The following NLRP8 variants were observed in gnomAD, a reference collection of about 807,000 sequenced individuals.
The protein encoded by NLRP8 is NLR family pyrin domain containing 8.
A neutral mutation model predicts 88.7 loss-of-function variants in NLRP8; 86 were observed. That is an observed-to-expected ratio of 0.97 (90% confidence interval 0.81 to 1.16). The LOEUF is 1.16. NLRP8 is among the 50% of genes most tolerant of loss of function. The pLI is 0.00. For synonymous variants in NLRP8, 504 were observed against 494.6 expected, an observed-to-expected ratio of 1.02 and a Z score of -0.25; for missense variants, 1,342 against 1,286.5, an observed-to-expected ratio of 1.04 and a Z score of -0.66.
chr19:55,982,889 T>G (rs1431121527), intron 9 of NLRP8, among the ~76,000 whole-genome samples: 1 of 152,128 alleles, frequency 6.6e-6, no homozygotes, highest in African/African-American at 2.4e-5. Context: ...AAGGCTGCAG[T>G]GAGCCATGAT....
chr19:55,976,332 G>C (rs1397518564), intron 8 of NLRP8, 29 bp downstream of exon 8: 1 of 1,549,592 alleles, frequency 6.5e-7, no homozygotes, highest in Admixed American at 2.1e-5. Flanking sequence ...CCTCCTGTGA[G>C]ACCAGGAGAA....
chr19:55,958,923 A>G (rs544016133), intron 3 of NLRP8, among the ~76,000 whole-genome samples: 81 of 151,802 alleles, frequency 5.3e-4, no homozygotes, highest in African/African-American at 1.9e-3. Flanking sequence ...CTGTCGCCCA[A>G]GCTGGAGTGC....
In NLRP8 at chr19:55,955,336, G is replaced by C; in HGVS notation, c.1278G>C (p.Val426=). ...AGTCATGTCCAAATGCCACCTCTGT[G>C]TTCGTCCGGTATATTTCTAGCTTGT... is the stretch of plus-strand genomic sequence containing the variant. Residue 426 remains valine (V), a synonymous_variant, in exon 3 of 10, where the codon GTG becomes GTC. Transcript: ENST00000291971. 1 of 1,614,170 alleles carries C rather than the reference G, an allele frequency of 6.2e-7. No homozygotes were observed.
At chr19:55,961,033 G>A (rs1331810835) in intron 3 of NLRP8, among the ~76,000 whole-genome samples, 1 of 150,858 alleles carries the variant, frequency 6.6e-6, no homozygotes, top group East Asian at 1.9e-4. Context: ...CTCCCAAGTA[G>A]CTGGGATTAC....
chr19:55,951,650 T>G (rs1979098960), intron 1 of NLRP8, among the ~76,000 whole-genome samples: 2 of 152,236 alleles, frequency 1.3e-5, no homozygotes, highest in Non-Finnish European at 2.9e-5. Flanking sequence ...AGTATTTGCA[T>G]AGAACCCATA....
Position 55,979,628 on chromosome 19 carries a change from G to C in NLRP8, c.3047+64G>C, listed in dbSNP as rs1002160815. The C allele has an allele frequency of 1.9e-6, 3 of 1,572,282 alleles. 1 individual carries two copies. Among genetic ancestry groups the C allele is most frequent in the Non-Finnish European group, 2.6e-6 (3 of 1,147,602 alleles). On this transcript the variant is annotated intron_variant, in intron 9 of 9. Transcript: ENST00000291971. ...ACAAGAGAAGCTCCTTGTAAAACGT[G>C]AGATGCTGGGCTGGGTGTAGTGGTG...
Position 55,954,513 on chromosome 19 carries a change from GGTATAAATC to G in NLRP8, c.457_465del (p.Tyr153_Ser155del). The G allele has an allele frequency of 1.2e-6, 2 of 1,613,454 alleles. No individual in the cohort carries two copies. The highest frequency in any genetic ancestry group is 1.7e-6 in the Non-Finnish European group (2 of 1,179,722). On this transcript the variant is annotated inframe_deletion, in exon 3 of 10. Transcript: ENST00000291971. ...CTCACAAATCTAGGTAAAATACGGC[GGTATAAATC>G]GAATGTGATGGAAAAGTTTTTCCCC...
At chr19:55,974,998 C>T (rs1242107261) in intron 7 of NLRP8, among the ~76,000 whole-genome samples, 5 of 152,182 alleles carry the variant, frequency 3.3e-5, no homozygotes, top group East Asian at 1.9e-4. Context: ...TGCTCTGTCA[C>T]GAGGTAGTTC....
At chr19:55,984,668 A>C (rs1444670359) in intron 9 of NLRP8, among the ~76,000 whole-genome samples, 3 of 148,174 alleles carry the variant, frequency 2.0e-5, no homozygotes, top group South Asian at 2.1e-4. Context: ...AAAAAAAAAA[A>C]AAAAAACAAC....
intron 8 of NLRP8, among the ~76,000 whole-genome samples, chr19:55,978,932 A>T (rs11880055): frequency 6.6e-5 from 10 of 151,734 alleles, no homozygotes; most frequent in Non-Finnish European, 1.2e-4. Flanking sequence ...TCCAAAAAAA[A>T]TTTTTTTTTA....
intron 7 of NLRP8, among the ~76,000 whole-genome samples, chr19:55,974,274 G>C (rs113034573): frequency 0.019 from 2,914 of 152,236 alleles, 85 homozygotes; most frequent in East Asian, 0.054. Flanking sequence ...TATAGACTAA[G>C]AGTTTTTAAA....
chr19:55,971,803 T>A (rs574508096), intron 6 of NLRP8, among the ~76,000 whole-genome samples: 1 of 152,258 alleles, frequency 6.6e-6, no homozygotes, highest in East Asian at 1.9e-4. Flanking sequence ...TGCTCCTAAC[T>A]CCAGATCCCT....
rs1568460938 is a variant in NLRP8 at position 55,957,681 on chromosome 19, ATATAT to A, written c.2042+1582_2042+1586del. Among the ~76,000 whole-genome samples, 10 of 2,754 alleles carry A rather than the reference ATATAT, an allele frequency of 3.6e-3. 1 individual carries two copies. Among genetic ancestry groups the A allele is most frequent in the Non-Finnish European group, 4.6e-3 (3 of 648 alleles). 1.8% of individuals were successfully genotyped at this position (2,754 alleles called of 152,430 possible). A position where few individuals can be genotyped will look rare whatever the true frequency, so the allele number is the denominator to read the frequency against. On this transcript the variant is annotated intron_variant, in intron 3 of 9. Transcript: ENST00000291971. ...AAAAGAAAAAATAATAATTATATATATATATATATATATATATATATATATATATA... is the reference window on the plus strand; with the variant it reads ...AAAAGAAAAAATAATAATTATATATAATATATATATATATATATATATATA...
intron 9 of NLRP8, among the ~76,000 whole-genome samples, chr19:55,980,277 G>A (rs536331315): frequency 2.6e-5 from 4 of 152,270 alleles, no homozygotes; most frequent in South Asian, 2.1e-4. Context: ...AAGAAAAGTC[G>A]CACATACGGC....
Position 55,986,477 on chromosome 19 carries a change from C to CACACACACACACACAT in NLRP8, c.3048-1322_3048-1321insTACACACACACACACA, listed in dbSNP as rs1427418067. ...TCACACACACACTCTCTCACATACACACACACACACACACACACACACACA... is the reference window on the plus strand; with the variant it reads ...TCACACACACACTCTCTCACATACACACACACACACACACATACACACACACACACACACACACACA... On this transcript the variant is annotated intron_variant, in intron 9 of 9. Transcript: ENST00000291971. 9.7e-4 allele frequency among the ~76,000 whole-genome samples: 129 copies of CACACACACACACACAT among 133,544 alleles called. 1 individual carries two copies. Among genetic ancestry groups the CACACACACACACACAT allele is most frequent in the South Asian group, 4.1e-3 (17 of 4,112 alleles). 87.6% of individuals were successfully genotyped at this position (133,544 alleles called of 152,430 possible). A position where few individuals can be genotyped will look rare whatever the true frequency, so the allele number is the denominator to read the frequency against.
chr19:55,959,806 A>C (rs1338341179), intron 3 of NLRP8, among the ~76,000 whole-genome samples: 1 of 152,206 alleles, frequency 6.6e-6, no homozygotes, highest in African/African-American at 2.4e-5. Flanking sequence ...GTCTACGTGT[A>C]AGTGTTCATT....
At chr19:55,967,059 C>T (rs997874180) in intron 5 of NLRP8, among the ~76,000 whole-genome samples, 9 of 152,110 alleles carry the variant, frequency 5.9e-5, no homozygotes, top group African/African-American at 2.2e-4. Flanking sequence ...AACATTTATC[C>T]TTTGTATTAC....
chr19:55,955,636 A>C lies in NLRP8; in HGVS notation c.1578A>C (p.Arg526Ser), dbSNP rs1979314602. The C allele has an allele frequency of 1.2e-6, 2 of 1,614,054 alleles. No individual in the cohort carries two copies. Among genetic ancestry groups the C allele is most frequent in the South Asian group, 1.1e-5 (1 of 91,080 alleles). ...TTTATGTTCTCTGTTTCCCACAAAGACTCAAAAATTTTCATGTGTTGAGCC... is the reference window on the plus strand; with the variant it reads ...TTTATGTTCTCTGTTTCCCACAAAGCCTCAAAAATTTTCATGTGTTGAGCC... Residue 526 changes from arginine (R) to serine (S), a missense_variant, in exon 3 of 10, where the codon AGA (arginine) becomes AGC (serine). Transcript: ENST00000291971.
chr19:55,965,254 C>G (rs911885706), intron 4 of NLRP8, among the ~76,000 whole-genome samples: 3 of 152,094 alleles, frequency 2.0e-5, no homozygotes, highest in Non-Finnish European at 4.4e-5. Flanking sequence ...AGTTCAAGAC[C>G]AGCCTGGCCA....
Sources: gnomAD v4.1 joint callset for allele counts (sites outside exome capture counted in the v4.1 genomes callset) on GRCh38, gnomAD v4.1.1 for gene constraint, MANE v1.5 for transcripts, NCBI Gene and HGNC (gene_info 2026-07-23, HGNC 2026-07-21) for gene names.